Variants in ZNF583 observed in about 807,000 individuals in gnomAD.
ZNF583 encodes the protein zinc finger protein L3-5.
Under a neutral mutation model 55.3 loss-of-function variants are expected in ZNF583, and 30 were observed. That is an observed-to-expected ratio of 0.54 (90% CI 0.41 to 0.74). The LOEUF (loss-of-function observed/expected upper bound fraction) is 0.74. Ranked by LOEUF, ZNF583 falls within the 30% of genes least tolerant of loss-of-function variation. The pLI is 0.00. For synonymous variants in ZNF583, 208 were observed against 220.0 expected, an observed-to-expected ratio of 0.95 and a Z score of 0.48; for missense variants, 504 against 664.7, an observed-to-expected ratio of 0.76 and a Z score of 2.66.
At chr19:56,414,668 A>G (rs772749535) in intron 4 of ZNF583, 6 of 446,080 alleles carry the variant, frequency 1.3e-5, no homozygotes, top group East Asian at 4.1e-5. Flanking sequence ...CTGATAACCC[A>G]TTTTCCTATT....
chr19:56,424,457 T>G lies in ZNF583; in HGVS notation c.*89T>G. 4.7e-5 allele frequency: 30 copies of G among 632,172 alleles called. No individual in the cohort carries two copies. Among genetic ancestry groups the G allele is most frequent in the Non-Finnish European group, 7.6e-5 (27 of 357,564 alleles). 39.2% of individuals were successfully genotyped at this position (632,172 alleles called of 1,614,324 possible). ...ATATATTTGACATGGGATACTCGAG[T>G]AGCTTTCTAATTGGTCTCCTTGTAC... is the stretch of plus-strand genomic sequence containing the variant. On this transcript the variant is annotated 3_prime_UTR_variant, in exon 5 of 5. Coordinates refer to ENST00000333201, the MANE Select transcript of ZNF583 (RefSeq NM_152478.3).
At chr19:56,413,653 A>G (rs1051761000) in intron 2 of ZNF583, among the ~76,000 whole-genome samples, 1 of 152,134 alleles carries the variant, frequency 6.6e-6, no homozygotes, top group African/African-American at 2.4e-5. Flanking sequence ...TAGTATGAAT[A>G]ACATATTTTA....
upstream of ZNF583, chr19:56,404,088 AGGTGGAACG>A: frequency 0.037 from 5,684 of 152,578 alleles, 166 homozygotes; most frequent in East Asian, 0.081. The surrounding 1 kb of genome is among the most constrained non-coding windows in gnomAD (Gnocchi z 5.2). Context: ...GCGCCTGCGC[AGGTGGAACG>A]GGTGGAACGG....
chr19:56,414,022 C>G lies in ZNF583; in HGVS notation c.73C>G (p.Pro25Ala). The G allele has an allele frequency of 6.2e-7, 1 of 1,612,534 alleles. No homozygotes were observed. The highest frequency in any genetic ancestry group is 2.2e-5 in the East Asian group (1 of 44,864). Reference sequence around the variant, plus strand: ...TCAAGAGGAATGGGAATGGCTGAACCCTGCTCAGAGGAATTTGTACAGGAA... The same window carrying G: ...TCAAGAGGAATGGGAATGGCTGAACGCTGCTCAGAGGAATTTGTACAGGAA... ...FSQEEWEWLNPAQRNLYRKVM... is the reference protein window; with the variant it reads ...FSQEEWEWLNAAQRNLYRKVM... Residue 25 changes from proline to alanine, a missense_variant, in exon 3 of 5, where the codon CCT becomes GCT. This residue lies in a region of ZNF583 where 204 missense variants were observed against 235.2 expected (regional missense o/e 0.87). Transcript: ENST00000333201.
chr19:56,406,210 A>G (rs1305909188), intron 1 of ZNF583, among the ~76,000 whole-genome samples: 1 of 152,082 alleles, frequency 6.6e-6, no homozygotes, highest in Non-Finnish European at 1.5e-5. Context: ...CACTACATGG[A>G]CCCTCTGATA....
At chr19:56,419,055 A>C (rs2042372770) in intron 4 of ZNF583, among the ~76,000 whole-genome samples, 1 of 152,210 alleles carries the variant, frequency 6.6e-6, no homozygotes, top group Non-Finnish European at 1.5e-5. Flanking sequence ...TTGATTTTCA[A>C]ATGTGAAACC....
At chr19:56,407,154 A>G in intron 2 of ZNF583, 31 bp downstream of exon 2, 1 of 1,613,506 alleles carries the variant, frequency 6.2e-7, no homozygotes. Context: ...TCTTCCCTAA[A>G]ATGCCATCTT....
At chr19:56,418,207 T>C (rs1011114602) in intron 4 of ZNF583, among the ~76,000 whole-genome samples, 15 of 152,204 alleles carry the variant, frequency 9.9e-5, no homozygotes, top group African/African-American at 1.4e-4. Context: ...TGTATGTCAA[T>C]TGAAAAAAAC....
intron 3 of ZNF583, 130 bp downstream of exon 3, chr19:56,414,215 A>C (rs747244109): frequency 7.8e-5 from 117 of 1,508,060 alleles, no homozygotes; most frequent in Non-Finnish European, 1.0e-4. Flanking sequence ...GAATTTGTAG[A>C]ATTGGCAGCT....
At chr19:56,422,512 G>A (rs891980993) in intron 4 of ZNF583, among the ~76,000 whole-genome samples, 2 of 152,068 alleles carry the variant, frequency 1.3e-5, no homozygotes, top group Admixed American at 6.6e-5. Flanking sequence ...TTTTAGGCCT[G>A]GGATTCCAAT....
intron 2 of ZNF583, among the ~76,000 whole-genome samples, chr19:56,410,250 A>AT (rs2042216700): frequency 6.6e-6 from 1 of 152,212 alleles, no homozygotes; most frequent in African/African-American, 2.4e-5. Context: ...TTCAAAAACA[A>AT]TTTGACCGTA....
intron 2 of ZNF583, among the ~76,000 whole-genome samples, chr19:56,408,449 T>G (rs1402649150): frequency 3.9e-5 from 6 of 152,192 alleles, no homozygotes; most frequent in Non-Finnish European, 8.8e-5. Flanking sequence ...TCATGTTAAT[T>G]GATTTAAATT....
At chr19:56,411,942 T>A (rs1471220286) in intron 2 of ZNF583, among the ~76,000 whole-genome samples, 10 of 152,194 alleles carry the variant, frequency 6.6e-5, no homozygotes, top group Non-Finnish European at 1.5e-5. Flanking sequence ...TGTATTTGAG[T>A]ATTTCTTCAA....
At chr19:56,405,499 T>C (rs2042132342) in intron 1 of ZNF583, among the ~76,000 whole-genome samples, 1 of 152,108 alleles carries the variant, frequency 6.6e-6, no homozygotes, top group African/African-American at 2.4e-5. Flanking sequence ...TTTGGGAGAC[T>C]GCTGTTGTGG....
chr19:56,419,208 T>C, intron 4 of ZNF583, among the ~76,000 whole-genome samples: 1 of 150,298 alleles, frequency 6.7e-6, no homozygotes. Flanking sequence ...TTTTTTTTTT[T>C]TTTTTTGAGA....
intron 4 of ZNF583, among the ~76,000 whole-genome samples, chr19:56,422,220 A>G (rs972088432): frequency 6.6e-6 from 1 of 152,132 alleles, no homozygotes; most frequent in Non-Finnish European, 1.5e-5. Context: ...AGAAAAATGA[A>G]GTGATCTGAT....
intron 4 of ZNF583, among the ~76,000 whole-genome samples, chr19:56,421,188 T>C (rs1401394161): frequency 6.6e-6 from 1 of 152,174 alleles, no homozygotes; most frequent in East Asian, 1.9e-4. Context: ...TATAGCAATC[T>C]GTAGTTTAGC....
intron 4 of ZNF583, among the ~76,000 whole-genome samples, chr19:56,419,620 TTTC>T (rs1323840408): frequency 4.6e-5 from 7 of 152,352 alleles, no homozygotes; most frequent in Admixed American, 6.5e-5. Context: ...AATGGTATTA[TTTC>T]TTCTTTAAAT....
At chr19:56,408,186 A>G (rs2042183718) in intron 2 of ZNF583, among the ~76,000 whole-genome samples, 1 of 152,182 alleles carries the variant, frequency 6.6e-6, no homozygotes, top group Non-Finnish European at 1.5e-5. Flanking sequence ...AAAAATACAT[A>G]GAGGTTAAAT....
Sources: gnomAD v4.1 joint callset for allele counts (sites outside exome capture counted in the v4.1 genomes callset) on GRCh38, gnomAD v4.1.1 for gene constraint, gnomAD v4.1.1 regional missense constraint, Gnocchi (gnomAD v3.1) non-coding constraint, MANE v1.5 for transcripts, NCBI Gene and HGNC (gene_info 2026-07-23, HGNC 2026-07-21) for gene names.